Variants in ZRANB2 observed in about 807,000 individuals in gnomAD.
The protein encoded by ZRANB2 is zinc finger Ran-binding domain-containing protein 2.
ZRANB2 carries 19 observed loss-of-function variants against 53.4 expected under a neutral mutation model. The ratio of observed to expected loss-of-function variants is 0.36; its 90% CI spans 0.25 to 0.52. The LOEUF is 0.52. ZRANB2 is among the 20% of genes least tolerant of loss of function. ZRANB2 has a pLI of 0.93. For synonymous variants in ZRANB2, 145 were observed against 134.8 expected, an observed-to-expected ratio of 1.08 and a Z score of -0.52; for missense variants, 309 against 401.1, an observed-to-expected ratio of 0.77 and a Z score of 1.96.
intron 3 of ZRANB2, 134 bp from the exon 4 acceptor site, chr1:71,077,011 A>T: frequency 1.4e-6 from 1 of 703,866 alleles, no homozygotes; most frequent in Non-Finnish European, 2.3e-6. Context: ...TGGTAATGTA[A>T]ACAAAGAAAA....
chr1:71,065,809 A>T, intron 9 of ZRANB2: 3 of 1,598,860 alleles, frequency 1.9e-6, no homozygotes, highest in Non-Finnish European at 2.6e-6. Flanking sequence ...TAGGGGGATT[A>T]TATGTGGCTA....
At position 71,069,596 on chromosome 1, in the gene ZRANB2, A is replaced by C; in HGVS notation, c.684-234T>G. On this transcript the variant is annotated intron_variant, in intron 7 of 9. Transcript: ENST00000370920. Reference sequence around the variant, plus strand: ...ATTACCCTAAAGCCACTCAACTATAAAACAAAACATTATCACTTTATTACA... The same window carrying C: ...ATTACCCTAAAGCCACTCAACTATACAACAAAACATTATCACTTTATTACA... 6.7e-6 allele frequency: 2 copies of C among 298,846 alleles called. 1 individual carries two copies. The allele number at this position is 298,846 out of a possible 1,614,324, so 18.5% of individuals were successfully genotyped here.
chr1:71,065,538 T>TA (rs1413888737), intron 9 of ZRANB2: 1 of 1,308,238 alleles, frequency 7.6e-7, no homozygotes, highest in African/African-American at 1.5e-5. Context: ...GTCTATTATG[T>TA]AAAAAAGATA....
Position 71,063,706 on chromosome 1 carries a change from T to C in ZRANB2, c.*1368A>G, listed in dbSNP as rs1661356177. 6.6e-6 allele frequency: 1 copy of C among 152,428 alleles called. No homozygotes were observed. The highest frequency in any genetic ancestry group is 1.5e-5 in the Non-Finnish European group (1 of 67,890). 9.4% of individuals were successfully genotyped at this position (152,428 alleles called of 1,614,324 possible). A position where few individuals can be genotyped will look rare whatever the true frequency, so the allele number is the denominator to read the frequency against. On this transcript the variant is annotated 3_prime_UTR_variant, in exon 10 of 10. Coordinates refer to ENST00000370920, the MANE Select transcript of ZRANB2 (RefSeq NM_203350.3). The stretch of plus-strand genomic sequence containing the variant: ...TGTAAAAATATTATCAAAATATTTC[T>C]ACATAAGATATCTTGCTTTCATTTT...
At chr1:71,073,554 C>G (rs905360451) in intron 4 of ZRANB2, among the ~76,000 whole-genome samples, 3 of 150,664 alleles carry the variant, frequency 2.0e-5, no homozygotes, top group African/African-American at 7.3e-5. Context: ...TGAAAAAAAC[C>G]CACACTAATA....
At chr1:71,068,559 AGTTTT>A (rs983522141) in intron 8 of ZRANB2, among the ~76,000 whole-genome samples, 21 of 152,228 alleles carry the variant, frequency 1.4e-4, no homozygotes, top group Admixed American at 1.3e-3. Flanking sequence ...TTCCTGATTT[AGTTTT>A]GAGTGTTTTG....
chr1:71,077,855 CA>C (rs1221982166), intron 3 of ZRANB2, among the ~76,000 whole-genome samples: 11 of 151,978 alleles, frequency 7.2e-5, no homozygotes, highest in African/African-American at 2.7e-4. Context: ...GACCTCATCT[CA>C]AAAACAAAAA....
At chr1:71,080,150 G>A (rs1426613248) in intron 1 of ZRANB2, among the ~76,000 whole-genome samples, 1 of 152,100 alleles carries the variant, frequency 6.6e-6, no homozygotes, top group Non-Finnish European at 1.5e-5. Flanking sequence ...GTGAACATGA[G>A]TTGTACATTA....
Position 71,081,035 on chromosome 1 carries a change from C to T in ZRANB2, c.-40G>A. On this transcript the variant is annotated 5_prime_UTR_variant, in exon 1 of 10. Transcript: ENST00000370920. ...GCACAGCCACCCGCAGCTATGTCTT[C>T]ACAGGAGGAAAACGGGCCGGGGACT... is the stretch of plus-strand genomic sequence containing the variant. The T allele has an allele frequency of 6.2e-7, 1 of 1,613,896 alleles. No individual in the cohort carries two copies. Among genetic ancestry groups the T allele is most frequent in the Non-Finnish European group, 8.5e-7 (1 of 1,179,838 alleles).
intron 6 of ZRANB2, among the ~76,000 whole-genome samples, chr1:71,071,648 T>G (rs1348614084): frequency 6.6e-6 from 1 of 152,062 alleles, no homozygotes; most frequent in African/African-American, 2.4e-5. Flanking sequence ...CTATGTATGG[T>G]ATTTTTGAAG....
rs1383403989 is a variant in ZRANB2 at position 71,063,319 on chromosome 1, C to T, written c.*1755G>A. 1.3e-5 allele frequency: 2 copies of T among 152,308 alleles called. No homozygotes were observed. Among genetic ancestry groups the T allele is most frequent in the Non-Finnish European group, 2.9e-5 (2 of 67,906 alleles). The allele number at this position is 152,308 out of a possible 1,614,324, so 9.4% of individuals were successfully genotyped here. The stretch of plus-strand genomic sequence containing the variant: ...GAGTTTAAAAATCTCTAGTTTATTT[C>T]TAACAAACACCACTTGATGCTTGAC... On this transcript the variant is annotated 3_prime_UTR_variant, in exon 10 of 10. Transcript: ENST00000370920.
At chr1:71,072,333 G>T in intron 5 of ZRANB2, 78 bp from the exon 6 acceptor site, 2 of 1,458,980 alleles carry the variant, frequency 1.4e-6, no homozygotes, top group African/African-American at 1.5e-5. Context: ...AATTATTTTA[G>T]ATATTTATGA....
chr1:71,072,391 AAAG>A, intron 5 of ZRANB2, 78 bp downstream of exon 5: 1 of 1,482,676 alleles, frequency 6.7e-7, no homozygotes, highest in Non-Finnish European at 9.1e-7. Flanking sequence ...CACTTAAAAA[AAAG>A]TTTGTTTTCC....
intron 3 of ZRANB2, among the ~76,000 whole-genome samples, chr1:71,078,247 T>G (rs535478553): frequency 1.3e-5 from 2 of 152,304 alleles, no homozygotes; most frequent in South Asian, 4.1e-4. Flanking sequence ...ACATAATCCA[T>G]CATAGTGACA....
chr1:71,071,276 C>T (rs1184307734), intron 6 of ZRANB2, among the ~76,000 whole-genome samples: 1 of 152,058 alleles, frequency 6.6e-6, no homozygotes, highest in African/African-American at 2.4e-5. Flanking sequence ...CCTTAAAAGT[C>T]CTTGAAATCA....
Position 71,078,806 on chromosome 1 carries a change from T to C in ZRANB2, c.57-98A>G, listed in dbSNP as rs1383798966. ...CATATCTGGAATTCATAACTTCTAATCCATCTTAGTCATGTTAATGTCAAT... is the reference window on the plus strand; with the variant it reads ...CATATCTGGAATTCATAACTTCTAACCCATCTTAGTCATGTTAATGTCAAT... On this transcript the variant is annotated intron_variant, in intron 1 of 9. Transcript: ENST00000370920. The C allele has an allele frequency of 6.9e-6, 7 of 1,014,314 alleles. No individual in the cohort carries two copies. The African/African-American group carries it at 1.2e-4, about 17-fold the overall frequency. 62.8% of individuals were successfully genotyped at this position (1,014,314 alleles called of 1,614,324 possible). A position where few individuals can be genotyped will look rare whatever the true frequency, so the allele number is the denominator to read the frequency against.
At chr1:71,065,716 G>C in intron 9 of ZRANB2, 1 of 1,612,570 alleles carries the variant, frequency 6.2e-7, no homozygotes. Flanking sequence ...GTTGGCCCTG[G>C]GCTCAGGGTT....
chr1:71,074,884 A>G (rs1229632276), intron 4 of ZRANB2, among the ~76,000 whole-genome samples: 2 of 152,204 alleles, frequency 1.3e-5, no homozygotes, highest in African/African-American at 4.8e-5. Context: ...GGAAAGCAAC[A>G]GAGTAAGTTA....
chr1:71,070,034 T>C lies in ZRANB2; in HGVS notation c.684-672A>G, dbSNP rs72671086. On this transcript the variant is annotated intron_variant, in intron 7 of 9. Transcript: ENST00000370920. The stretch of plus-strand genomic sequence containing the variant: ...ATTTTTACCAAAAAATTACTAGTTA[T>C]AGCCCCACTTTGTTAAGCTTTCAGG... Among the ~76,000 whole-genome samples the C allele has an allele frequency of 5.9e-3, 895 of 152,298 alleles. 5 individuals are homozygous for C. The highest frequency in any genetic ancestry group is 9.8e-3 in the Non-Finnish European group (663 of 67,996).
Sources: gnomAD v4.1 joint callset for allele counts (sites outside exome capture counted in the v4.1 genomes callset) on GRCh38, gnomAD v4.1.1 for gene constraint, MANE v1.5 for transcripts, NCBI Gene and HGNC (gene_info 2026-07-23, HGNC 2026-07-21) for gene names.